PIM3: variants seen among roughly 807,000 people sequenced by gnomAD.
The protein encoded by PIM3 is serine/threonine-protein kinase pim-3.
In PIM3, 13 loss-of-function variants were observed where a neutral mutation model predicts 27.5. That is an observed-to-expected ratio of 0.47 (90% CI 0.31 to 0.75). The LOEUF (loss-of-function observed/expected upper bound fraction) is 0.75, where lower values mean the gene tolerates loss of function less well. Ranked by LOEUF, PIM3 falls within the 30% of genes least tolerant of loss-of-function variation. The pLI, the probability that PIM3 is intolerant of heterozygous loss-of-function variation, is 0.05. For missense variants in PIM3, 482 were observed against 476.9 expected, an observed-to-expected ratio of 1.01 and a Z score of -0.10; for synonymous variants, 341 against 221.1, an observed-to-expected ratio of 1.54 and a Z score of -4.81.
Position 49,961,219 on chromosome 22 carries a change from C to G in PIM3, c.180C>G (p.Ile60Met), listed in dbSNP as rs771720726. Residue 60 changes from isoleucine (I) to methionine (M), a missense_variant, in exon 2 of 6, where the codon ATC becomes ATG. Coordinates refer to ENST00000360612, the MANE Select transcript of PIM3 (RefSeq NM_001001852.4). ...GFGTVYAGSRIADGLPVAVKH... is the reference protein window; with the variant it reads ...GFGTVYAGSRMADGLPVAVKH... ...GCACGGTCTACGCGGGTAGCCGCAT[C>G]GCCGACGGGCTCCCGGTGAGTCGGA... is the stretch of plus-strand genomic sequence containing the variant. The G allele has an allele frequency of 2.0e-6, 3 of 1,532,450 alleles. No homozygotes were observed. The highest frequency in any genetic ancestry group is 2.1e-5 in the Admixed American group (1 of 48,254). The allele number at this position is 1,532,450 out of a possible 1,614,324, so 94.9% of individuals were successfully genotyped here.
chr22:49,961,345 C>T lies in PIM3; in HGVS notation c.223C>T (p.Arg75Trp). The change falls in exon 3 of 6, where the codon CGG (arginine) becomes TGG (tryptophan). Residue 75 changes from arginine (R) to tryptophan (W), a missense_variant. Transcript: ENST00000360612. ...PVAVKHVVKERVTEWGSLGGA... is the reference protein window; with the variant it reads ...PVAVKHVVKEWVTEWGSLGGA... ...GGCTGTGAAGCACGTGGTGAAGGAG[C>T]GGGTGACCGAGTGGGGCAGCCTGGT... 1 of 1,535,788 alleles carries T rather than the reference C, an allele frequency of 6.5e-7. No homozygotes were observed. The highest frequency in any genetic ancestry group is 8.7e-7 in the Non-Finnish European group (1 of 1,146,464).
intron 4 of PIM3, among the ~76,000 whole-genome samples, chr22:49,962,151 G>A (rs572410593): frequency 6.6e-4 from 100 of 152,166 alleles, no homozygotes; most frequent in African/African-American, 2.4e-3. Flanking sequence ...CGTGCGTGAC[G>A]CAGGGCGCAG....
At chr22:49,962,403 TC>T (rs200177710) in intron 4 of PIM3, among the ~76,000 whole-genome samples, 1,399 of 135,342 alleles carry the variant, frequency 0.01, 15 homozygotes, top group Middle Eastern at 0.023. Context: ...ACCCGCGCTG[TC>T]CCCCCCCCAC....
chr22:49,961,499 G>A lies in PIM3; in HGVS notation c.304G>A (p.Gly102Ser). ...GCTGCGCAAGGTGGGCGCGGCGGGCGGCGCGCGCGGCGTCATCCGCCTGCT... is the reference window on the plus strand; with the variant it reads ...GCTGCGCAAGGTGGGCGCGGCGGGCAGCGCGCGCGGCGTCATCCGCCTGCT... ...VLLRKVGAAG[G>S]ARGVIRLLDW... The change falls in exon 4 of 6, where the codon GGC (glycine) becomes AGC (serine). Residue 102 changes from glycine (G) to serine (S), a missense_variant. Gly to Ser is a moderately conservative substitution (Grantham distance 56). Transcript: ENST00000360612. 1.3e-6 allele frequency: 2 copies of A among 1,497,000 alleles called. No individual in the cohort carries two copies. The highest frequency in any genetic ancestry group is 1.8e-6 in the Non-Finnish European group (2 of 1,127,038). The allele number at this position is 1,497,000 out of a possible 1,614,324, so 92.7% of individuals were successfully genotyped here. A position where few individuals can be genotyped will look rare whatever the true frequency, so the allele number is the denominator to read the frequency against.
At position 49,963,038 on chromosome 22, in the gene PIM3, G is replaced by T. The variant is rs750529036; in HGVS notation, c.892G>T (p.Gly298Trp). 6.2e-7 allele frequency: 1 copy of T among 1,611,230 alleles called. No homozygotes were observed. Among genetic ancestry groups the T allele is most frequent in the East Asian group, 2.2e-5 (1 of 44,836 alleles). The change falls in exon 6 of 6, where the codon GGG becomes TGG. Residue 298 changes from glycine (G) to tryptophan (W), a missense_variant. Gly to Trp is a radical substitution (Grantham distance 184). Coordinates refer to ENST00000360612, the MANE Select transcript of PIM3 (RefSeq NM_001001852.4). ...AAHPWMLGAD[G>W]GVPESCDLRL... ...CCATCCCTGGATGCTGGGGGCTGACGGGGGCGTCCCGGAGAGCTGTGACCT... is the reference window on the plus strand; with the variant it reads ...CCATCCCTGGATGCTGGGGGCTGACTGGGGCGTCCCGGAGAGCTGTGACCT...
rs767097151 is a variant in PIM3 at position 49,961,453 on chromosome 22, C to G, written c.258C>G (p.Thr86=). The change falls in exon 4 of 6, where the codon ACC becomes ACG. Residue 86 remains threonine (T), a synonymous_variant. Transcript: ENST00000360612. The part of the protein sequence containing the change: ...VTEWGSLGGA[T]VPLEVVLLRK... The stretch of plus-strand genomic sequence containing the variant: ...GCCGTGTCCCCCAGGGCGGCGCGAC[C>G]GTGCCCCTGGAGGTGGTGCTGCTGC... 28 of 1,440,422 alleles carry G rather than the reference C, an allele frequency of 1.9e-5. No homozygotes were observed. Among genetic ancestry groups the G allele is most frequent in the Admixed American group, 1.0e-4 (3 of 29,638 alleles). The allele number at this position is 1,440,422 out of a possible 1,614,324, so 89.2% of individuals were successfully genotyped here.
rs886435365 is a variant in PIM3 at position 49,961,849 on chromosome 22, C to CT, written c.616+40dup. On this transcript the variant is annotated intron_variant, in intron 4 of 5. Transcript: ENST00000360612. ...GCGGGGCAGGGAACGTTCCGGGGGCCTTGCCGGCGGGTTAACGCCTGCAGG... is the reference window on the plus strand; with the variant it reads ...GCGGGGCAGGGAACGTTCCGGGGGCCTTTGCCGGCGGGTTAACGCCTGCAGG... The CT allele has an allele frequency of 1.4e-5, 23 of 1,605,194 alleles. No homozygotes were observed. The African/African-American group carries it at 2.4e-4, about 17-fold the overall frequency.
rs1016575091 is a variant in PIM3 at position 49,963,530 on chromosome 22, C to T, written c.*403C>T. The T allele has an allele frequency of 1.8e-5, 3 of 167,176 alleles. No homozygotes were observed. The highest frequency in any genetic ancestry group is 3.9e-5 in the Non-Finnish European group (3 of 77,704). The allele number at this position is 167,176 out of a possible 1,614,324, so 10.4% of individuals were successfully genotyped here. ...CCTGCACACACAATGCAAGTCCTGGCCTCCGCGCCCGCCCGCCCACGCGAG... is the reference window on the plus strand; with the variant it reads ...CCTGCACACACAATGCAAGTCCTGGTCTCCGCGCCCGCCCGCCCACGCGAG... On this transcript the variant is annotated 3_prime_UTR_variant, in exon 6 of 6. Coordinates refer to ENST00000360612, the MANE Select transcript of PIM3 (RefSeq NM_001001852.4).
At chr22:49,962,365 CGCAG>C in intron 4 of PIM3, among the ~76,000 whole-genome samples, 1 of 147,650 alleles carries the variant, frequency 6.8e-6, no homozygotes. Flanking sequence ...CCCCCGTTCC[CGCAG>C]GCAGGCGCGC....
At chr22:49,961,913 C>G (rs2060909499) in intron 4 of PIM3, 102 bp downstream of exon 4, 7 of 1,505,324 alleles carry the variant, frequency 4.7e-6, no homozygotes, top group Non-Finnish European at 1.8e-6. Flanking sequence ...TGGGCGGCCG[C>G]GCGCCCTGGG....
rs1392977805 is a variant in PIM3 at position 49,963,868 on chromosome 22, A to G, written c.*741A>G. 1 of 152,320 alleles carries G rather than the reference A, an allele frequency of 6.6e-6. No homozygotes were observed. The highest frequency in any genetic ancestry group is 1.5e-5 in the Non-Finnish European group (1 of 68,042). The allele number at this position is 152,320 out of a possible 1,614,324, so 9.4% of individuals were successfully genotyped here. A position where few individuals can be genotyped will look rare whatever the true frequency, so the allele number is the denominator to read the frequency against. On this transcript the variant is annotated 3_prime_UTR_variant, in exon 6 of 6. Transcript: ENST00000360612. ...ACTGTGCCCAGGGTTTGGGTTTTAA[A>G]TTATTGACTTTGTACAGTCTGCTTG...
rs539004244 is a variant in PIM3 at position 49,962,970 on chromosome 22, C to T, written c.824C>T (p.Ser275Phe). The T allele has an allele frequency of 1.1e-5, 17 of 1,608,908 alleles. No individual in the cohort carries two copies. Among genetic ancestry groups the T allele is most frequent in the South Asian group, 2.2e-5 (2 of 90,984 alleles). ...ECQQLIRWCL[S>F]LRPSERPSLD... is the part of the protein sequence containing the mutation. ...CAGCAGCTGATCCGGTGGTGCCTGTCCCTGCGGCCCTCAGAGCGGCCGTCG... is the reference window on the plus strand; with the variant it reads ...CAGCAGCTGATCCGGTGGTGCCTGTTCCTGCGGCCCTCAGAGCGGCCGTCG... Residue 275 changes from serine (S) to phenylalanine (F), a missense_variant, in exon 6 of 6, where the codon TCC (serine) becomes TTC (phenylalanine). Coordinates refer to ENST00000360612, the MANE Select transcript of PIM3 (RefSeq NM_001001852.4).
Position 49,962,819 on chromosome 22 carries a change from G to T in PIM3, c.747G>T (p.Glu249Asp), listed in dbSNP as rs889176956. 5.6e-6 allele frequency: 9 copies of T among 1,612,010 alleles called. No homozygotes were observed. Among genetic ancestry groups the T allele is most frequent in the Non-Finnish European group, 7.6e-6 (9 of 1,179,954 alleles). Reference protein sequence around the residue: ...VCGDIPFEQDEEILRGRLLFR... With the variant: ...VCGDIPFEQDDEILRGRLLFR... ...GGGACATCCCCTTCGAGCAGGACGA[G>T]GAGATCCTCCGAGGCCGCCTGCTCT... The change falls in exon 5 of 6, where the codon GAG becomes GAT. Residue 249 changes from glutamate (E) to aspartate (D), a missense_variant. Coordinates refer to ENST00000360612, the MANE Select transcript of PIM3 (RefSeq NM_001001852.4).
chr22:49,963,164 C>T lies in PIM3; in HGVS notation c.*37C>T, dbSNP rs554104894. 9.9e-5 allele frequency: 151 copies of T among 1,520,874 alleles called. 1 individual carries two copies. In the South Asian group the frequency reaches 1.5e-3, roughly 16 times the overall value. The allele number at this position is 1,520,874 out of a possible 1,614,324, so 94.2% of individuals were successfully genotyped here. On this transcript the variant is annotated 3_prime_UTR_variant, in exon 6 of 6. Coordinates refer to ENST00000360612, the MANE Select transcript of PIM3 (RefSeq NM_001001852.4). The stretch of plus-strand genomic sequence containing the variant: ...TGACTGGGAGCTAGGGGACCACCTG[C>T]CTTGGCCAGACCTGGGACGCCCCCA...
Position 49,962,885 on chromosome 22 carries a change from G to T in PIM3, c.793+20G>T. ...CTCCAGGTGCGTGGTGGCTCGAGGC[G>T]GGGGTGGGGGCCTCGCCCTGCTTGG... On this transcript the variant is annotated intron_variant, in intron 5 of 5. Coordinates refer to ENST00000360612, the MANE Select transcript of PIM3 (RefSeq NM_001001852.4). 1 of 1,601,906 alleles carries T rather than the reference G, an allele frequency of 6.2e-7. No homozygotes were observed. The highest frequency in any genetic ancestry group is 8.5e-7 in the Non-Finnish European group (1 of 1,176,558).
intron 2 of PIM3, 40 bp downstream of exon 2, chr22:49,961,274 C>G: frequency 1.3e-6 from 2 of 1,540,120 alleles, no homozygotes; most frequent in Non-Finnish European, 1.7e-6. Context: ...TTCTCGCGCG[C>G]CTTGCGCCTC....
Position 49,963,133 on chromosome 22 carries a change from T to C in PIM3, c.*6T>C. 2 of 1,582,582 alleles carry C rather than the reference T, an allele frequency of 1.3e-6. No homozygotes were observed. Among genetic ancestry groups the C allele is most frequent in the East Asian group, 2.3e-5 (1 of 43,308 alleles). ...CCAGCAGCGAGAGCTTGTGAGGAGC[T>C]GCACCTGACTGGGAGCTAGGGGACC... On this transcript the variant is annotated 3_prime_UTR_variant, in exon 6 of 6. Transcript: ENST00000360612.
In PIM3 at chr22:49,962,862, C is replaced by T. The variant is rs1569200319; in HGVS notation, c.790C>T (p.Pro264Ser). The change falls in exon 5 of 6, where the codon CCA (proline) becomes TCA (serine). Residue 264 changes from proline (P) to serine (S), a missense_variant. Physicochemically the swap from Pro to Ser is moderately conservative, Grantham distance 74 (BLOSUM62 -1). Transcript: ENST00000360612. ...CCTGCTCTTCCGGAGGAGGGTCTCT[C>T]CAGGTGCGTGGTGGCTCGAGGCGGG... ...GRLLFRRRVS[P>S]ECQQLIRWCL... The T allele has an allele frequency of 6.2e-7, 1 of 1,608,790 alleles. No homozygotes were observed. Among genetic ancestry groups the T allele is most frequent in the Non-Finnish European group, 8.5e-7 (1 of 1,179,178 alleles).
intron 4 of PIM3, among the ~76,000 whole-genome samples, 198 bp downstream of exon 4, chr22:49,962,009 G>C (rs1309315543): frequency 6.6e-6 from 1 of 152,136 alleles, no homozygotes; most frequent in East Asian, 1.9e-4. Flanking sequence ...CTGGGTGGGG[G>C]CTAGGGGCGC....
Sources: allele counts gnomAD v4.1 joint callset (sites outside exome capture counted in the v4.1 genomes callset), GRCh38; gene constraint gnomAD v4.1.1; transcripts MANE v1.5; gene names NCBI Gene and HGNC (gene_info 2026-07-23, HGNC 2026-07-21).